Variants in PRKN observed in about 807,000 individuals in gnomAD.
PRKN encodes the protein parkin RBR E3 ubiquitin protein ligase.
PRKN carries 56 observed loss-of-function variants against 59.5 expected under a neutral mutation model. The observed-to-expected ratio is 0.94, with a 90% CI of 0.76 to 1.18. The LOEUF is 1.18. Ranked by LOEUF, PRKN falls within the 50% of genes most tolerant of loss-of-function variation. PRKN has a pLI of 0.00. For missense variants in PRKN, 657 were observed against 596.4 expected, an observed-to-expected ratio of 1.10 and a Z score of -1.06; for synonymous variants, 250 against 222.1, an observed-to-expected ratio of 1.13 and a Z score of -1.12.
chr6:161,350,490 G>C (rs1784485611), intron 11 of PRKN, among the ~76,000 whole-genome samples: 1 of 148,658 alleles, frequency 6.7e-6, no homozygotes, highest in Non-Finnish European at 1.5e-5. Flanking sequence ...CTCCTGAAAG[G>C]GGATTTAGAG....
At chr6:161,629,528 T>C (rs895137854) in intron 7 of PRKN, among the ~76,000 whole-genome samples, 2 of 152,078 alleles carry the variant, frequency 1.3e-5, no homozygotes, top group African/African-American at 2.4e-5. Flanking sequence ...CCTCCACTAC[T>C]TGACCCGTGA....
chr6:161,494,658 G>A lies in PRKN; in HGVS notation c.1083+54196C>T, dbSNP rs189828543. On this transcript the variant is annotated intron_variant, in intron 9 of 11. Coordinates refer to ENST00000366898, the MANE Select transcript of PRKN (RefSeq NM_004562.3). Reference sequence around the variant, plus strand: ...ATTTTAATGTGCTGATACTGTGTGAGAGCTTTACACACATTAACTGATTTA... The same window carrying A: ...ATTTTAATGTGCTGATACTGTGTGAAAGCTTTACACACATTAACTGATTTA... 1.6e-4 allele frequency among the ~76,000 whole-genome samples: 25 copies of A among 152,308 alleles called. No individual in the cohort carries two copies. In the East Asian group the frequency reaches 2.1e-3, roughly 13 times the overall value.
chr6:162,425,854 C>T (rs546326997), intron 2 of PRKN, among the ~76,000 whole-genome samples: 39 of 152,198 alleles, frequency 2.6e-4, no homozygotes, highest in Admixed American at 1.5e-3. Context: ...TTTCTAGAAC[C>T]GATACGAATG....
At chr6:162,411,160 T>C (rs73035714) in intron 2 of PRKN, among the ~76,000 whole-genome samples, 9,231 of 151,862 alleles carry the variant, frequency 0.061, 677 homozygotes, top group East Asian at 0.38. Context: ...TGCAGGGATG[T>C]TTTAAAAGAT....
At chr6:161,611,226 T>C (rs1481441014) in intron 7 of PRKN, among the ~76,000 whole-genome samples, 1 of 152,234 alleles carries the variant, frequency 6.6e-6, no homozygotes, top group African/African-American at 2.4e-5. Flanking sequence ...TGTGAGTCTA[T>C]GTGCGTATAT....
Position 161,407,382 on chromosome 6 carries a change from A to G in PRKN, c.1084-20505T>C, listed in dbSNP as rs1277948389. On this transcript the variant is annotated intron_variant, in intron 9 of 11. Transcript: ENST00000366898. This position sits in a 1 kb window ranked among gnomAD's most constrained non-coding sequence, Gnocchi z 4.9. ...GGTGGGAGGCTCTGCACACTGGCAC[A>G]ATTGTTTGCTGGGAGGTAATTTAAC... is the stretch of plus-strand genomic sequence containing the variant. Among the ~76,000 whole-genome samples, 1 of 152,134 alleles carries G rather than the reference A, an allele frequency of 6.6e-6. No individual in the cohort carries two copies. The highest frequency in any genetic ancestry group is 1.5e-5 in the Non-Finnish European group (1 of 68,034).
chr6:162,063,743 C>T lies in PRKN; in HGVS notation c.535-9569G>A, dbSNP rs936105636. ...AATTTTTAGTAGAGACAGAGTCTCA[C>T]CATGTTGGCCAGGCTGGTCTGCAAC... On this transcript the variant is annotated intron_variant, in intron 4 of 11. Coordinates refer to ENST00000366898, the MANE Select transcript of PRKN (RefSeq NM_004562.3). Among the ~76,000 whole-genome samples, 25 of 152,142 alleles carry T rather than the reference C, an allele frequency of 1.6e-4. 1 individual carries two copies. Among genetic ancestry groups the T allele is most frequent in the Non-Finnish European group, 7.3e-5 (5 of 68,030 alleles).
rs1784950792 is a variant in PRKN at position 161,360,874 on chromosome 6, T to C, written c.1168-669A>G. Among the ~76,000 whole-genome samples, 1 of 152,170 alleles carries C rather than the reference T, an allele frequency of 6.6e-6. No individual in the cohort carries two copies. The highest frequency in any genetic ancestry group is 2.1e-4 in the South Asian group (1 of 4,824). On this transcript the variant is annotated intron_variant, in intron 10 of 11. Transcript: ENST00000366898. This position sits in a 1 kb window ranked among gnomAD's most constrained non-coding sequence, Gnocchi z 5.1. ...CCCAGACGGGTGACTCTGGAAACAT[T>C]CCCTAAGCTCTCTGACAGTCTTTAT... is the stretch of plus-strand genomic sequence containing the variant.
chr6:162,046,197 T>C (rs1239577658), intron 5 of PRKN, among the ~76,000 whole-genome samples: 1 of 152,182 alleles, frequency 6.6e-6, no homozygotes, highest in East Asian at 1.9e-4. Flanking sequence ...CAACACAGCC[T>C]CGGACTGACA....
chr6:161,831,774 A>G (rs755279309), intron 6 of PRKN, among the ~76,000 whole-genome samples: 2 of 149,058 alleles, frequency 1.3e-5, no homozygotes, highest in African/African-American at 2.5e-5. Context: ...TCCAGAAAAA[A>G]TAAGAGGTTC....
At chr6:161,931,371 G>C (rs1253606296) in intron 6 of PRKN, among the ~76,000 whole-genome samples, 1 of 152,144 alleles carries the variant, frequency 6.6e-6, no homozygotes, top group Non-Finnish European at 1.5e-5. Context: ...CTGGGAGGTA[G>C]AGGTTGCAGT....
Position 162,668,460 on chromosome 6 carries a change from A to G in PRKN, c.7+59202T>C, listed in dbSNP as rs79047172. Among the ~76,000 whole-genome samples, 15 of 152,294 alleles carry G rather than the reference A, an allele frequency of 9.8e-5. No individual in the cohort carries two copies. The East Asian group carries it at 2.9e-3, about 30-fold the overall frequency. Reference sequence around the variant, plus strand: ...TGGCAAGAAAGGCTGTGGACAGAGGACCTGGGCTATGGCTAGAAGAGAATG... The same window carrying G: ...TGGCAAGAAAGGCTGTGGACAGAGGGCCTGGGCTATGGCTAGAAGAGAATG... On this transcript the variant is annotated intron_variant, in intron 1 of 11. Transcript: ENST00000366898.
intron 3 of PRKN, among the ~76,000 whole-genome samples, chr6:162,215,343 T>C (rs1037840696): frequency 3.3e-5 from 5 of 152,190 alleles, no homozygotes; most frequent in Non-Finnish European, 7.3e-5. Flanking sequence ...AAAAAGTCTT[T>C]CAGCTTGCAA....
intron 6 of PRKN, among the ~76,000 whole-genome samples, chr6:161,913,829 G>A (rs1778456039): frequency 6.6e-6 from 1 of 152,132 alleles, no homozygotes; most frequent in Non-Finnish European, 1.5e-5. Flanking sequence ...TCTATATGAA[G>A]TCATGAAAGC....
chr6:161,634,552 T>A (rs556331149), intron 7 of PRKN, among the ~76,000 whole-genome samples: 98 of 152,302 alleles, frequency 6.4e-4, no homozygotes, highest in African/African-American at 2.3e-3. Context: ...GCACTCTTAC[T>A]TTCTACTCAA....
At position 161,373,319 on chromosome 6, in the gene PRKN, A is replaced by G. The variant is rs1785515470; in HGVS notation, c.1168-13114T>C. Among the ~76,000 whole-genome samples, 1 of 152,126 alleles carries G rather than the reference A, an allele frequency of 6.6e-6. No homozygotes were observed. The highest frequency in any genetic ancestry group is 1.5e-5 in the Non-Finnish European group (1 of 68,034). ...CAACTGGGCTGTGTGGCCCAGCTAC[A>G]TTGACACAGAAAATTACCCATCACA... On this transcript the variant is annotated intron_variant, in intron 10 of 11. Transcript: ENST00000366898. The surrounding 1 kb of genome is among the most constrained non-coding windows in gnomAD (Gnocchi z 4.8).
Position 161,875,507 on chromosome 6 carries a change from T to C in PRKN, c.735-89599A>G, listed in dbSNP as rs538713139. Among the ~76,000 whole-genome samples the C allele has an allele frequency of 8.3e-4, 127 of 152,142 alleles. 2 individuals are homozygous for C. Among genetic ancestry groups the C allele is most frequent in the African/African-American group, 2.9e-3 (119 of 41,526 alleles). On this transcript the variant is annotated intron_variant, in intron 6 of 11. Transcript: ENST00000366898. ...TGTGCCTGGCCTGTTTATGAATATATTCTCATCAGCACCTGTCAACTGCTG... is the reference window on the plus strand; with the variant it reads ...TGTGCCTGGCCTGTTTATGAATATACTCTCATCAGCACCTGTCAACTGCTG...
At chr6:161,861,289 C>A (rs1048866156) in intron 6 of PRKN, among the ~76,000 whole-genome samples, 1 of 152,108 alleles carries the variant, frequency 6.6e-6, no homozygotes, top group Non-Finnish European at 1.5e-5. Flanking sequence ...ATGGATGAAA[C>A]TGGAAAGCCA....
chr6:162,115,499 A>G (rs1780630495), intron 4 of PRKN, among the ~76,000 whole-genome samples: 1 of 151,730 alleles, frequency 6.6e-6, no homozygotes, highest in Non-Finnish European at 1.5e-5. Context: ...GTATAATAAT[A>G]ATAAATAAAT....
Sources: gnomAD v4.1 joint callset for allele counts (sites outside exome capture counted in the v4.1 genomes callset) on GRCh38, gnomAD v4.1.1 for gene constraint, Gnocchi (gnomAD v3.1) non-coding constraint, MANE v1.5 for transcripts, NCBI Gene and HGNC (gene_info 2026-07-23, HGNC 2026-07-21) for gene names.